PRSS23: variants seen among roughly 807,000 people sequenced by gnomAD.
PRSS23 encodes the protein protease, serine 23.
A neutral mutation model predicts 34.7 loss-of-function variants in PRSS23; 25 were observed. The observed-to-expected ratio is 0.72, with a 90% CI of 0.53 to 1.01. The LOEUF (loss-of-function observed/expected upper bound fraction) is 1.01. Ranked by LOEUF, PRSS23 falls within the 50% of genes least tolerant of loss-of-function variation. The pLI is 0.00. For missense variants in PRSS23, 445 were observed against 475.6 expected (o/e 0.94, Z 0.60); for synonymous variants, 176 against 186.6 (o/e 0.94, Z 0.46).
intron 2 of PRSS23, among the ~76,000 whole-genome samples, chr11:86,870,234 TG>T (rs1948675858): frequency 7.2e-6 from 1 of 139,772 alleles, no homozygotes. Context: ...ACAGAGATGG[TG>T]ATTTTTTTTT....
At chr11:86,800,470 G>A, upstream of PRSS23, 2 of 984,084 alleles carry the variant, frequency 2.0e-6, no homozygotes, top group Non-Finnish European at 2.4e-6. Flanking sequence ...GAGGCCGGAG[G>A]CGGGGCGGGC....
At chr11:86,844,567 T>A (rs2082152979) in intron 2 of PRSS23, among the ~76,000 whole-genome samples, 1 of 152,244 alleles carries the variant, frequency 6.6e-6, no homozygotes, top group Non-Finnish European at 1.5e-5. Flanking sequence ...AAAATGTGTG[T>A]CAGTCCAAGC....
intron 2 of PRSS23, among the ~76,000 whole-genome samples, chr11:86,865,931 A>G (rs1948646516): frequency 6.6e-6 from 1 of 152,264 alleles, no homozygotes; most frequent in African/African-American, 2.4e-5. Context: ...CGATTAAAAA[A>G]CCATAGGCCT....
intron 2 of PRSS23, among the ~76,000 whole-genome samples, chr11:86,920,264 C>G (rs1949039148): frequency 6.6e-6 from 1 of 152,214 alleles, no homozygotes; most frequent in African/African-American, 2.4e-5. Context: ...ATAGCACTGC[C>G]TTCAAACTCA....
At chr11:86,943,274 A>G (rs1245871716) in intron 2 of PRSS23, among the ~76,000 whole-genome samples, 1 of 152,244 alleles carries the variant, frequency 6.6e-6, no homozygotes, top group African/African-American at 2.4e-5. Flanking sequence ...GTCAGATCTC[A>G]TTATTGAGAA....
intron 2 of PRSS23, among the ~76,000 whole-genome samples, chr11:86,888,117 T>TTTA (rs148070384): frequency 2.0e-5 from 2 of 98,812 alleles, no homozygotes; most frequent in Admixed American, 1.9e-4. Flanking sequence ...TGGTTTTTTT[T>TTTA]AAAAAAAAAC....
At chr11:86,856,633 C>A (rs1352496739) in intron 2 of PRSS23, among the ~76,000 whole-genome samples, 1 of 152,142 alleles carries the variant, frequency 6.6e-6, no homozygotes, top group African/African-American at 2.4e-5. Context: ...TATAGTGAAA[C>A]CAAGGTATTC....
chr11:86,800,537 T>A (rs1432057512), upstream of PRSS23: 2 of 984,518 alleles, frequency 2.0e-6, no homozygotes, highest in Non-Finnish European at 2.4e-6. Context: ...CTCGCCAGCT[T>A]GCTCGCACTC....
intron 1 of PRSS23, among the ~76,000 whole-genome samples, chr11:86,805,963 T>TG (rs1948096458): frequency 6.6e-6 from 1 of 152,202 alleles, no homozygotes; most frequent in Non-Finnish European, 1.5e-5. Flanking sequence ...TGGTTGTGAA[T>TG]GAGTTACCCT....
At chr11:86,945,029 T>C (rs73531340) in intron 2 of PRSS23, among the ~76,000 whole-genome samples, 93 of 152,278 alleles carry the variant, frequency 6.1e-4, no homozygotes, top group African/African-American at 2.1e-3. Flanking sequence ...GTCTATAATA[T>C]TACTGACTCC....
At chr11:86,838,402 G>A (rs939849601) in intron 2 of PRSS23, among the ~76,000 whole-genome samples, 3 of 152,214 alleles carry the variant, frequency 2.0e-5, no homozygotes, top group Non-Finnish European at 4.4e-5. Flanking sequence ...GCTGCAGCTT[G>A]ATGGGGAGAG....
rs141909203 is a variant in PRSS23 at position 86,868,758 on chromosome 11, C to G, written c.206+45165C>G. Among the ~76,000 whole-genome samples the G allele has an allele frequency of 4.4e-4, 67 of 152,294 alleles. 1 individual carries two copies. Among genetic ancestry groups the G allele is most frequent in the African/African-American group, 1.3e-3 (56 of 41,546 alleles). ...AGAGGGAAGCAAAGCACTTTGGAAT[C>G]AGAACACTTGGGTTGAAATCTTTCT... On this transcript the variant is annotated intron_variant, in intron 2 of 2. Transcript: ENST00000533902.
rs928039622 is a variant in PRSS23 at position 86,878,409 on chromosome 11, C to T, written c.206+54816C>T. Among the ~76,000 whole-genome samples, 7 of 152,240 alleles carry T rather than the reference C, an allele frequency of 4.6e-5. No homozygotes were observed. The East Asian group carries it at 9.7e-4, about 21-fold the overall frequency. On this transcript the variant is annotated intron_variant, in intron 2 of 2. Transcript: ENST00000533902. ...TGCCAAGTGCCTGCGATTGCAGGCG[C>T]GCGCCGCCACGCCTGACTGCTTTTC...
At chr11:86,834,506 T>TTTTTCTTTCC (rs1948387166) in intron 2 of PRSS23, among the ~76,000 whole-genome samples, 1 of 115,184 alleles carries the variant, frequency 8.7e-6, no homozygotes, top group African/African-American at 3.6e-5. Flanking sequence ...TTCCCTTCTA[T>TTTTTCTTTCC]TTTCCTTTCC....
At chr11:86,802,835 A>T (rs772987719) in intron 1 of PRSS23, among the ~76,000 whole-genome samples, 2 of 152,172 alleles carry the variant, frequency 1.3e-5, no homozygotes, top group Non-Finnish European at 2.9e-5. Context: ...CCAGTCTCCA[A>T]AGAGATTGTT....
intron 2 of PRSS23, among the ~76,000 whole-genome samples, chr11:86,939,426 A>ATATATATATTTTTTTTTTTT: frequency 3.2e-5 from 3 of 94,070 alleles, no homozygotes; most frequent in African/African-American, 6.6e-5. Flanking sequence ...ATATATATAT[A>ATATATATATTTTTTTTTTTT]TTTTTTAACA....
intron 2 of PRSS23, among the ~76,000 whole-genome samples, chr11:86,907,393 T>A (rs1265611148): frequency 2.6e-5 from 4 of 152,222 alleles, no homozygotes; most frequent in African/African-American, 9.7e-5. Context: ...ATTGTCATTT[T>A]AAAAATACTT....
intron 2 of PRSS23, among the ~76,000 whole-genome samples, chr11:86,928,374 C>T (rs1590931750): frequency 6.7e-6 from 1 of 148,170 alleles, no homozygotes; most frequent in South Asian, 2.1e-4. Context: ...AATACATATG[C>T]TTAATATATA....
chr11:86,849,863 C>G (rs568194741), intron 2 of PRSS23, among the ~76,000 whole-genome samples: 1 of 152,166 alleles, frequency 6.6e-6, no homozygotes, highest in African/African-American at 2.4e-5. Flanking sequence ...ACAAAGCCAG[C>G]TTAATTCTCT....
Sources: gnomAD v4.1 joint callset for allele counts (sites outside exome capture counted in the v4.1 genomes callset) on GRCh38, gnomAD v4.1.1 for gene constraint, MANE v1.5 for transcripts, NCBI Gene and HGNC (gene_info 2026-07-23, HGNC 2026-07-21) for gene names.